Variants in FBXO45 observed in about 807,000 individuals in gnomAD.
The protein encoded by FBXO45 is F-box protein 45, also known as F-box/SPRY domain-containing protein 1.
FBXO45 carries 3 observed loss-of-function variants against 25.5 expected under a neutral mutation model. The observed-to-expected ratio is 0.12, with a 90% CI of 0.05 to 0.30. The LOEUF (loss-of-function observed/expected upper bound fraction) is 0.30. Ranked by LOEUF, FBXO45 falls within the 10% of genes least tolerant of loss-of-function variation. The pLI, the probability that FBXO45 is intolerant of heterozygous loss-of-function variation, is 1.00. For synonymous variants in FBXO45, 155 were observed against 149.8 expected (o/e 1.03, Z -0.25); for missense variants, 219 against 365.0 (o/e 0.60, Z 3.26).
intron 1 of FBXO45, 78 bp from the exon 2 acceptor site, chr3:196,577,375 A>C: frequency 9.4e-7 from 1 of 1,065,120 alleles, no homozygotes; most frequent in Non-Finnish European, 1.3e-6. Flanking sequence ...AAAAACATAC[A>C]GCGTGAAGTT....
rs1375005283 is a variant in FBXO45, at chr3:196,569,130, C to G, written c.146C>G (p.Ser49Cys). ...LPSRVLELVF[S>C]YLELSELRSC... ...AGCCGGGTGCTGGAGTTGGTGTTCT[C>G]TTACCTGGAGCTGTCCGAGCTGCGG... Residue 49 changes from serine (S) to cysteine (C), a missense_variant, in exon 1 of 3, where the codon TCT becomes TGT. Coordinates refer to ENST00000311630, the MANE Select transcript of FBXO45 (RefSeq NM_001105573.2). The surrounding 1 kb of genome is among the most constrained non-coding windows in gnomAD (Gnocchi z 4.1). 6.5e-7 allele frequency: 1 copy of G among 1,547,008 alleles called. No individual in the cohort carries two copies. The highest frequency in any genetic ancestry group is 8.7e-7 in the Non-Finnish European group (1 of 1,144,592).
chr3:196,578,196 C>G (rs1030421775), intron 2 of FBXO45, among the ~76,000 whole-genome samples: 1 of 151,926 alleles, frequency 6.6e-6, no homozygotes, highest in Non-Finnish European at 1.5e-5. Flanking sequence ...ACCACCATGC[C>G]TGGCTAATTT....
intron 1 of FBXO45, among the ~76,000 whole-genome samples, chr3:196,573,001 A>G (rs1193549161): frequency 6.6e-6 from 1 of 152,106 alleles, no homozygotes; most frequent in Non-Finnish European, 1.5e-5. Context: ...AGCTCACTGC[A>G]GCCTTGAACT....
chr3:196,584,053 C>T lies in FBXO45; in HGVS notation c.676-80C>T. Reference sequence around the variant, plus strand: ...TTCAGGATAATATTCTTAATATTTTCAACTTCTTGATTTGTGTCTTGTTTC... The same window carrying T: ...TTCAGGATAATATTCTTAATATTTTTAACTTCTTGATTTGTGTCTTGTTTC... On this transcript the variant is annotated intron_variant, in intron 2 of 2. Transcript: ENST00000311630. The surrounding 1 kb of genome is among the most constrained non-coding windows in gnomAD (Gnocchi z 4.3). 1 of 1,337,268 alleles carries T rather than the reference C, an allele frequency of 7.5e-7. No individual in the cohort carries two copies. Among genetic ancestry groups the T allele is most frequent in the Non-Finnish European group, 1.0e-6 (1 of 958,980 alleles). The allele number at this position is 1,337,268 out of a possible 1,614,324, so 82.8% of individuals were successfully genotyped here.
chr3:196,570,265 C>CT (rs35858957), intron 1 of FBXO45, among the ~76,000 whole-genome samples: 2,159 of 142,316 alleles, frequency 0.015, 45 homozygotes, highest in African/African-American at 0.05. Flanking sequence ...ACATCCCCCC[C>CT]TTTTTTTTTT....
chr3:196,569,448 C>A lies in FBXO45; in HGVS notation c.318+146C>A. The A allele has an allele frequency of 2.8e-6, 2 of 721,136 alleles. No homozygotes were observed. Among genetic ancestry groups the A allele is most frequent in the Non-Finnish European group, 4.3e-6 (2 of 463,434 alleles). The allele number at this position is 721,136 out of a possible 1,614,324, so 44.7% of individuals were successfully genotyped here. A position where few individuals can be genotyped will look rare whatever the true frequency, so the allele number is the denominator to read the frequency against. On this transcript the variant is annotated intron_variant, in intron 1 of 2. Transcript: ENST00000311630. This position sits in a 1 kb window ranked among gnomAD's most constrained non-coding sequence, Gnocchi z 4.1. ...CCAGTCAGTATCTTCCTCACCTCCC[C>A]CCAAGATAAAGATTCTCTTTTCTTT...
rs36064486 is a variant in FBXO45, at chr3:196,583,505, C to CAA, written c.676-610_676-609dup. 2.0e-3 allele frequency among the ~76,000 whole-genome samples: 128 copies of CAA among 65,372 alleles called. 1 individual carries two copies. Among genetic ancestry groups the CAA allele is most frequent in the Middle Eastern group, 8.9e-3 (1 of 112 alleles). The allele number at this position is 65,372 out of a possible 152,430, so 42.9% of individuals were successfully genotyped here. Reference sequence around the variant, plus strand: ...TGGGCGACAGAGCAAGACTCCGTCTCAAAAAAAAAAAAAAAAAAAGTTCCG... The same window carrying CAA: ...TGGGCGACAGAGCAAGACTCCGTCTCAAAAAAAAAAAAAAAAAAAAAGTTCCG... On this transcript the variant is annotated intron_variant, in intron 2 of 2. Coordinates refer to ENST00000311630, the MANE Select transcript of FBXO45 (RefSeq NM_001105573.2).
intron 2 of FBXO45, among the ~76,000 whole-genome samples, chr3:196,579,641 T>C (rs950271642): frequency 6.6e-6 from 1 of 152,244 alleles, no homozygotes; most frequent in African/African-American, 2.4e-5. Context: ...ATTCTGTAAA[T>C]GAGAATTAGG....
chr3:196,570,292 C>A (rs1478005160), intron 1 of FBXO45, among the ~76,000 whole-genome samples: 1 of 144,922 alleles, frequency 6.9e-6, no homozygotes, highest in African/African-American at 2.6e-5. Flanking sequence ...AGACGGAGTG[C>A]AATGGCGTGA....
chr3:196,569,143 G>C lies in FBXO45; in HGVS notation c.159G>C (p.Leu53=), dbSNP rs1389159171. The C allele has an allele frequency of 6.5e-7, 1 of 1,550,254 alleles. No individual in the cohort carries two copies. Among genetic ancestry groups the C allele is most frequent in the East Asian group, 2.4e-5 (1 of 40,896 alleles). ...AGTTGGTGTTCTCTTACCTGGAGCT[G>C]TCCGAGCTGCGGAGCTGCGCCCTGG... ...VLELVFSYLE[L]SELRSCALVC... The change falls in exon 1 of 3, where the codon CTG becomes CTC. Residue 53 remains leucine (L), a synonymous_variant. Coordinates refer to ENST00000311630, the MANE Select transcript of FBXO45 (RefSeq NM_001105573.2). This position sits in a 1 kb window ranked among gnomAD's most constrained non-coding sequence, Gnocchi z 4.1.
Position 196,584,240 on chromosome 3 carries a change from CT to C in FBXO45, c.785del (p.Leu262TyrfsTer14). The C allele has an allele frequency of 6.2e-7, 1 of 1,613,996 alleles. No individual in the cohort carries two copies. The highest frequency in any genetic ancestry group is 1.1e-5 in the South Asian group (1 of 91,070). On this transcript the variant is annotated frameshift_variant, in exon 3 of 3. Transcript: ENST00000311630. LOFTEE classifies it high-confidence loss of function. The surrounding 1 kb of genome is among the most constrained non-coding windows in gnomAD (Gnocchi z 4.3). ...CTTTTAGAGGACTTCCAAAGGTCTG[CT>C]TATACCCAGCAGTTTCTGCTGTATA... ...VAFRGLPKVC[L>X]YPAVSAVYGN...
Position 196,587,733 on chromosome 3 carries a change from ATTTT to A in FBXO45, c.*3421_*3424del, listed in dbSNP as rs57643210. ...TATGTAGATTGTCATATTAATATTA[ATTTT>A]TTTTTGTTATTTTGAAGAAGTGAGT... is the stretch of plus-strand genomic sequence containing the variant. On this transcript the variant is annotated 3_prime_UTR_variant, in exon 3 of 3. Transcript: ENST00000311630. 1.3e-5 allele frequency: 2 copies of A among 151,516 alleles called. No individual in the cohort carries two copies. The highest frequency in any genetic ancestry group is 4.9e-5 in the African/African-American group (2 of 41,202). The allele number at this position is 151,516 out of a possible 1,614,324, so 9.4% of individuals were successfully genotyped here.
At chr3:196,576,667 A>G (rs11185546) in intron 1 of FBXO45, among the ~76,000 whole-genome samples, 30,252 of 152,216 alleles carry the variant, frequency 0.2, 3,978 homozygotes, top group East Asian at 0.61. Context: ...CTTTGTATTT[A>G]CTGAAGAGTC....
Position 196,568,970 on chromosome 3 carries a change from C to T in FBXO45, c.-15C>T. 1 of 990,516 alleles carries T rather than the reference C, an allele frequency of 1.0e-6. No individual in the cohort carries two copies. The highest frequency in any genetic ancestry group is 1.2e-6 in the Non-Finnish European group (1 of 833,880). The allele number at this position is 990,516 out of a possible 1,614,324, so 61.4% of individuals were successfully genotyped here. On this transcript the variant is annotated 5_prime_UTR_variant, in exon 1 of 3. Transcript: ENST00000311630. ...GGCGGCGGCAGCGGCGGCCCTAGGG[C>T]CGGCTGGTGAGGCGATGGCGGCGCC...
intron 2 of FBXO45, among the ~76,000 whole-genome samples, chr3:196,582,179 A>C (rs564107247): frequency 6.6e-6 from 1 of 152,318 alleles, no homozygotes; most frequent in South Asian, 2.1e-4. Context: ...TGTGTGCTCA[A>C]AGGTGAAGCA....
At position 196,585,431 on chromosome 3, in the gene FBXO45, ACTAAT is replaced by A. The variant is rs1394684103; in HGVS notation, c.*1118_*1122del. 2.5e-4 allele frequency: 38 copies of A among 152,218 alleles called. No homozygotes were observed. Among genetic ancestry groups the A allele is most frequent in the Admixed American group, 2.5e-3 (38 of 15,278 alleles). The allele number at this position is 152,218 out of a possible 1,614,324, so 9.4% of individuals were successfully genotyped here. Reference sequence around the variant, plus strand: ...AATTTCATATTGTTTACATCATGCAACTAATCTAAGCCTCAAACTCGTTATTGGGG... The same window carrying A: ...AATTTCATATTGTTTACATCATGCAACTAAGCCTCAAACTCGTTATTGGGG... On this transcript the variant is annotated 3_prime_UTR_variant, in exon 3 of 3. Coordinates refer to ENST00000311630, the MANE Select transcript of FBXO45 (RefSeq NM_001105573.2).
At position 196,584,402 on chromosome 3, in the gene FBXO45, C is replaced by A; in HGVS notation, c.*84C>A. On this transcript the variant is annotated 3_prime_UTR_variant, in exon 3 of 3. Coordinates refer to ENST00000311630, the MANE Select transcript of FBXO45 (RefSeq NM_001105573.2). This position sits in a 1 kb window ranked among gnomAD's most constrained non-coding sequence, Gnocchi z 4.3. ...AACCATGAAGTGACTGTCACACATG[C>A]ATGTCCAAGAAACATCCTGAAAACA... is the stretch of plus-strand genomic sequence containing the variant. 1 of 1,214,504 alleles carries A rather than the reference C, an allele frequency of 8.2e-7. No homozygotes were observed. 75.2% of individuals were successfully genotyped at this position (1,214,504 alleles called of 1,614,324 possible). A position where few individuals can be genotyped will look rare whatever the true frequency, so the allele number is the denominator to read the frequency against.
At position 196,569,577 on chromosome 3, in the gene FBXO45, A is replaced by G. The variant is rs181779294; in HGVS notation, c.318+275A>G. Among the ~76,000 whole-genome samples the G allele has an allele frequency of 3.3e-5, 5 of 152,272 alleles. No individual in the cohort carries two copies. Among genetic ancestry groups the G allele is most frequent in the Non-Finnish European group, 7.4e-5 (5 of 68,010 alleles). On this transcript the variant is annotated intron_variant, in intron 1 of 2. Coordinates refer to ENST00000311630, the MANE Select transcript of FBXO45 (RefSeq NM_001105573.2). This position sits in a 1 kb window ranked among gnomAD's most constrained non-coding sequence, Gnocchi z 4.1. The stretch of plus-strand genomic sequence containing the variant: ...TCAACTTTTGACAGTTTTCCCCGTT[A>G]AAGACAGACCACCACTCTTGTACCT...
At position 196,584,046 on chromosome 3, in the gene FBXO45, A is replaced by T. The variant is rs565990312; in HGVS notation, c.676-87A>T. 3.8e-5 allele frequency: 48 copies of T among 1,265,900 alleles called. No individual in the cohort carries two copies. In the African/African-American group the frequency reaches 6.8e-4, roughly 18 times the overall value. The allele number at this position is 1,265,900 out of a possible 1,614,324, so 78.4% of individuals were successfully genotyped here. A position where few individuals can be genotyped will look rare whatever the true frequency, so the allele number is the denominator to read the frequency against. On this transcript the variant is annotated intron_variant, in intron 2 of 2. Coordinates refer to ENST00000311630, the MANE Select transcript of FBXO45 (RefSeq NM_001105573.2). The surrounding 1 kb of genome is among the most constrained non-coding windows in gnomAD (Gnocchi z 4.3). ...GATAGCTTTCAGGATAATATTCTTA[A>T]TATTTTCAACTTCTTGATTTGTGTC...
Sources: gnomAD v4.1 joint callset for allele counts (sites outside exome capture counted in the v4.1 genomes callset) on GRCh38, gnomAD v4.1.1 for gene constraint, Gnocchi (gnomAD v3.1) non-coding constraint, MANE v1.5 for transcripts, NCBI Gene and HGNC (gene_info 2026-07-23, HGNC 2026-07-21) for gene names.